Variants in PCNX4 observed in about 807,000 individuals in gnomAD.
The protein encoded by PCNX4 is pecanex-like protein 4.
PCNX4 carries 103 observed loss-of-function variants against 107.2 expected under a neutral mutation model. The observed-to-expected ratio is 0.96, with a 90% CI of 0.82 to 1.13. The LOEUF (loss-of-function observed/expected upper bound fraction) is 1.13, where lower values mean the gene tolerates loss of function less well. Ranked by LOEUF, PCNX4 falls within the 50% of genes most tolerant of loss-of-function variation. The probability of loss-of-function intolerance (pLI) is 0.00; values close to 1 mark genes in which losing one functional copy is unlikely to be tolerated. For synonymous variants in PCNX4, 541 were observed against 481.7 expected (o/e 1.12, Z -1.61); for missense variants, 1,528 against 1,379.4 (o/e 1.11, Z -1.71).
Position 60,130,626 on chromosome 14 carries a change from T to C in PCNX4, c.3268-3344T>C, listed in dbSNP as rs1036061356. On this transcript the variant is annotated intron_variant, in intron 10 of 10. Coordinates refer to ENST00000406854, the MANE Select transcript of PCNX4 (RefSeq NM_001330177.2). ...CGCCCCGAATTTATATGTTGAAGCC[T>C]AAAACAATATGTATTCATGTATTGT... Among the ~76,000 whole-genome samples the C allele has an allele frequency of 3.3e-5, 5 of 152,124 alleles. 1 individual carries two copies. The South Asian group carries it at 6.2e-4, about 19-fold the overall frequency.
chr14:60,118,743 C>A, intron 7 of PCNX4, 51 bp downstream of exon 7: 2 of 1,468,556 alleles, frequency 1.4e-6, no homozygotes, highest in East Asian at 2.3e-5. Context: ...ATTTAAAGTA[C>A]AAAAAAATAA....
chr14:60,104,086 C>T (rs748509720), intron 1 of PCNX4, among the ~76,000 whole-genome samples: 1 of 151,930 alleles, frequency 6.6e-6, no homozygotes, highest in South Asian at 2.1e-4. Context: ...TTTGAGAGGC[C>T]GAGGCGGGCA....
chr14:60,136,003 T>C lies in PCNX4; in HGVS notation c.*1782T>C, dbSNP rs563847546. On this transcript the variant is annotated 3_prime_UTR_variant, in exon 11 of 11. Coordinates refer to ENST00000406854, the MANE Select transcript of PCNX4 (RefSeq NM_001330177.2). ...GCCTTCGCTTAACCTTGCATCCTCCTCAAAGTGCTCCCATATCTCCATTTC... is the reference window on the plus strand; with the variant it reads ...GCCTTCGCTTAACCTTGCATCCTCCCCAAAGTGCTCCCATATCTCCATTTC... 6.6e-6 allele frequency: 1 copy of C among 152,254 alleles called. No individual in the cohort carries two copies. Among genetic ancestry groups the C allele is most frequent in the African/African-American group, 2.4e-5 (1 of 41,524 alleles). The allele number at this position is 152,254 out of a possible 1,614,324, so 9.4% of individuals were successfully genotyped here. A position where few individuals can be genotyped will look rare whatever the true frequency, so the allele number is the denominator to read the frequency against.
At position 60,134,263 on chromosome 14, in the gene PCNX4, T is replaced by C; in HGVS notation, c.*42T>C. The C allele has an allele frequency of 6.3e-7, 1 of 1,594,446 alleles. No individual in the cohort carries two copies. Among genetic ancestry groups the C allele is most frequent in the Non-Finnish European group, 8.6e-7 (1 of 1,167,750 alleles). ...AATGTCATCAAATGCAATGTTTTTA[T>C]TTTTTCATCCTAAAAAAGTAACTGT... On this transcript the variant is annotated 3_prime_UTR_variant, in exon 11 of 11. Coordinates refer to ENST00000406854, the MANE Select transcript of PCNX4 (RefSeq NM_001330177.2).
chr14:60,098,296 A>G (rs1396273983), intron 1 of PCNX4, among the ~76,000 whole-genome samples: 1 of 152,174 alleles, frequency 6.6e-6, no homozygotes, highest in Non-Finnish European at 1.5e-5. Context: ...TTCTGTCACC[A>G]ATAAATACTG....
At chr14:60,113,398 C>T (rs946613969) in intron 2 of PCNX4, among the ~76,000 whole-genome samples, 5 of 152,056 alleles carry the variant, frequency 3.3e-5, no homozygotes, top group Admixed American at 1.3e-4. Context: ...AACAGAGTTT[C>T]GCTCTTGTTG....
At position 60,124,536 on chromosome 14, in the gene PCNX4, G is replaced by A; in HGVS notation, c.2365G>A (p.Gly789Arg). ...KENVHNTENK[G>R]KAPLMLPALN... ...GAATGTTCACAACACTGAAAATAAA[G>A]GGAAAGCACCTCTAATGTTGCCTGC... is the stretch of plus-strand genomic sequence containing the variant. The change falls in exon 9 of 11, where the codon GGG (glycine) becomes AGG (arginine). Residue 789 changes from glycine (G) to arginine (R), a missense_variant. Transcript: ENST00000406854. The A allele has an allele frequency of 6.2e-7, 1 of 1,613,714 alleles. No individual in the cohort carries two copies. Among genetic ancestry groups the A allele is most frequent in the Non-Finnish European group, 8.5e-7 (1 of 1,179,770 alleles).
chr14:60,120,325 G>A (rs1208671213), intron 7 of PCNX4, among the ~76,000 whole-genome samples: 1 of 152,140 alleles, frequency 6.6e-6, no homozygotes, highest in Non-Finnish European at 1.5e-5. Flanking sequence ...TCATGCAGGC[G>A]CTGTCTGCCT....
At chr14:60,132,893 A>G (rs935008235) in intron 10 of PCNX4, among the ~76,000 whole-genome samples, 3 of 152,350 alleles carry the variant, frequency 2.0e-5, no homozygotes, top group Middle Eastern at 3.4e-3. Flanking sequence ...CAAAACTACA[A>G]TAAAATAACA....
In PCNX4 at chr14:60,115,373, G is replaced by A. The variant is rs746035923; in HGVS notation, c.1269G>A (p.Pro423=). 7.5e-6 allele frequency: 12 copies of A among 1,599,540 alleles called. No individual in the cohort carries two copies. Among genetic ancestry groups the A allele is most frequent in the Middle Eastern group, 1.7e-4 (1 of 6,002 alleles). ...IIGIFRNPFY[P]KDVQTVTVFF... ...GAATTTTCCGAAATCCCTTTTATCC[G>A]AAGGATGTGCAAACTGTGACTGTAT... is the stretch of plus-strand genomic sequence containing the variant. The change falls in exon 4 of 11, where the codon CCG becomes CCA. Residue 423 remains proline, a synonymous_variant. Coordinates refer to ENST00000406854, the MANE Select transcript of PCNX4 (RefSeq NM_001330177.2).
intron 7 of PCNX4, among the ~76,000 whole-genome samples, chr14:60,119,058 C>A (rs1333056430): frequency 6.6e-6 from 1 of 152,148 alleles, no homozygotes; most frequent in Non-Finnish European, 1.5e-5. Context: ...CAGTAGCATA[C>A]GTTCATAAAG....
At chr14:60,131,389 T>A (rs1896152386) in intron 10 of PCNX4, among the ~76,000 whole-genome samples, 1 of 152,126 alleles carries the variant, frequency 6.6e-6, no homozygotes. Flanking sequence ...AAGATCAACA[T>A]ACAAAAATCT....
rs971293367 is a variant in PCNX4, at chr14:60,142,054, A to G, written c.*7833A>G. The G allele has an allele frequency of 6.6e-6, 1 of 152,244 alleles. No homozygotes were observed. The highest frequency in any genetic ancestry group is 2.4e-5 in the African/African-American group (1 of 41,476). 9.4% of individuals were successfully genotyped at this position (152,244 alleles called of 1,614,324 possible). On this transcript the variant is annotated 3_prime_UTR_variant, in exon 11 of 11. Coordinates refer to ENST00000406854, the MANE Select transcript of PCNX4 (RefSeq NM_001330177.2). The surrounding 1 kb of genome is among the most constrained non-coding windows in gnomAD (Gnocchi z 4.7). ...AAAACTATAAAATGCAAACTAATCT[A>G]TAATAATGCAAGCACATCATTGGTT...
At chr14:60,106,521 T>C (rs1484561290) in intron 1 of PCNX4, among the ~76,000 whole-genome samples, 1 of 152,200 alleles carries the variant, frequency 6.6e-6, no homozygotes, top group Non-Finnish European at 1.5e-5. Flanking sequence ...AGGGCTGTCA[T>C]GTGAGTTAAA....
rs1896342866 is a variant in PCNX4 at position 60,144,213 on chromosome 14, T to TAG, written c.*9992_*9993insAG. On this transcript the variant is annotated 3_prime_UTR_variant, in exon 11 of 11. Coordinates refer to ENST00000406854, the MANE Select transcript of PCNX4 (RefSeq NM_001330177.2). ...TTACAGCCATCTGTACCTGTCAACT[T>TAG]TTCTAAGAGTATAAGCATCTTGGAG... 1 of 152,240 alleles carries TAG rather than the reference T, an allele frequency of 6.6e-6. No homozygotes were observed. Among genetic ancestry groups the TAG allele is most frequent in the African/African-American group, 2.4e-5 (1 of 41,444 alleles). The allele number at this position is 152,240 out of a possible 1,614,324, so 9.4% of individuals were successfully genotyped here.
At chr14:60,099,064 G>GAGGAA (rs1000376449) in intron 1 of PCNX4, among the ~76,000 whole-genome samples, 2 of 152,094 alleles carry the variant, frequency 1.3e-5, no homozygotes, top group Admixed American at 1.3e-4. Context: ...TGCATCTCTG[G>GAGGAA]ATTCCTACTG....
chr14:60,104,377 C>T (rs1294526840), intron 1 of PCNX4, among the ~76,000 whole-genome samples: 7 of 150,698 alleles, frequency 4.6e-5, no homozygotes, highest in East Asian at 1.9e-4. Flanking sequence ...TCCCAGCTTC[C>T]GTTTAAGACA....
intron 7 of PCNX4, among the ~76,000 whole-genome samples, chr14:60,119,227 T>C (rs1271461619): frequency 1.3e-5 from 2 of 152,188 alleles, no homozygotes; most frequent in African/African-American, 4.8e-5. Flanking sequence ...TGAAATGCTA[T>C]TCAGTTACTA....
rs1296247221 is a variant in PCNX4 at position 60,141,175 on chromosome 14, G to A, written c.*6954G>A. 1 of 152,172 alleles carries A rather than the reference G, an allele frequency of 6.6e-6. No homozygotes were observed. The highest frequency in any genetic ancestry group is 1.5e-5 in the Non-Finnish European group (1 of 68,044). The allele number at this position is 152,172 out of a possible 1,614,324, so 9.4% of individuals were successfully genotyped here. On this transcript the variant is annotated 3_prime_UTR_variant, in exon 11 of 11. Transcript: ENST00000406854. ...CTCCTACATCCCAGGGAATACCTAGGAAGATAGCATATTAGAAATGAGGAA... is the reference window on the plus strand; with the variant it reads ...CTCCTACATCCCAGGGAATACCTAGAAAGATAGCATATTAGAAATGAGGAA...
Sources: gnomAD v4.1 joint callset for allele counts (sites outside exome capture counted in the v4.1 genomes callset) on GRCh38, gnomAD v4.1.1 for gene constraint, Gnocchi (gnomAD v3.1) non-coding constraint, MANE v1.5 for transcripts, NCBI Gene and HGNC (gene_info 2026-07-23, HGNC 2026-07-21) for gene names.